CPNE4: variants seen among roughly 807,000 people sequenced by gnomAD.
CPNE4 encodes copine-4.
CPNE4 carries 25 observed loss-of-function variants against 67.9 expected under a neutral mutation model. The ratio of observed to expected loss-of-function variants is 0.37; its 90% CI spans 0.27 to 0.51. CPNE4 has a LOEUF of 0.51. Among genes scored for constraint, CPNE4 ranks in the 20% least tolerant of loss-of-function variants. CPNE4 has a pLI of 0.93. For synonymous variants in CPNE4, 242 were observed against 244.9 expected, an observed-to-expected ratio of 0.99 and a Z score of 0.11; for missense variants, 464 against 690.8, an observed-to-expected ratio of 0.67 and a Z score of 3.68.
At chr3:131,876,433 G>C (rs2087455902) in intron 2 of CPNE4, among the ~76,000 whole-genome samples, 1 of 151,632 alleles carries the variant, frequency 6.6e-6, no homozygotes, top group Non-Finnish European at 1.5e-5. Flanking sequence ...ACGAGGTCAG[G>C]AGATCGAGAC....
At chr3:131,955,438 T>C (rs1303330260) in intron 1 of CPNE4, among the ~76,000 whole-genome samples, 1 of 135,582 alleles carries the variant, frequency 7.4e-6, no homozygotes, top group Admixed American at 7.8e-5. Context: ...TTTTTTTGTA[T>C]GCTTTCTACA....
upstream of CPNE4, among the ~76,000 whole-genome samples, chr3:132,038,482 T>C (rs182576627): frequency 1.8e-3 from 271 of 152,308 alleles, no homozygotes; most frequent in Middle Eastern, 3.4e-3. Context: ...TTAAAAACCA[T>C]AGGCAGAGGG....
At chr3:132,010,524 C>T (rs2073732037) in intron 1 of CPNE4, among the ~76,000 whole-genome samples, 1 of 152,126 alleles carries the variant, frequency 6.6e-6, no homozygotes. Flanking sequence ...TCACAGGGCA[C>T]CTAATTGACA....
rs187814881 is a variant in CPNE4 at position 131,811,411 on chromosome 3, T to C, written c.181-87786A>G. Among the ~76,000 whole-genome samples the C allele has an allele frequency of 2.2e-3, 335 of 152,190 alleles. 15 individuals are homozygous for C. Among genetic ancestry groups the C allele is most frequent in the Admixed American group, 0.022 (333 of 15,282 alleles). ...ATATATATATAAAGATGTTTTCCTA[T>C]CTGGAAATAATGTAAATATGTTGAG... On this transcript the variant is annotated intron_variant, in intron 2 of 15. Transcript: ENST00000429747.
At chr3:131,943,665 C>T (rs897349231) in intron 1 of CPNE4, among the ~76,000 whole-genome samples, 2 of 152,070 alleles carry the variant, frequency 1.3e-5, no homozygotes, top group Non-Finnish European at 2.9e-5. Flanking sequence ...CTCCCAGCCT[C>T]TAGTCCTTCT....
intron 2 of CPNE4, among the ~76,000 whole-genome samples, chr3:131,727,721 T>G (rs948288509): frequency 2.0e-5 from 3 of 152,156 alleles, no homozygotes; most frequent in Non-Finnish European, 4.4e-5. Flanking sequence ...TGCACCCAAA[T>G]TTTTCTCTTA....
chr3:131,615,763 T>A (rs772325398), intron 7 of CPNE4, among the ~76,000 whole-genome samples: 1 of 152,024 alleles, frequency 6.6e-6, no homozygotes, highest in Non-Finnish European at 1.5e-5. Context: ...ATGCCCATAA[T>A]CCCAGCTACT....
intron 1 of CPNE4, among the ~76,000 whole-genome samples, chr3:131,968,903 A>G (rs1200977402): frequency 6.6e-6 from 1 of 152,238 alleles, no homozygotes; most frequent in African/African-American, 2.4e-5. Context: ...AAGAACATGC[A>G]CACATATGTT....
intron 2 of CPNE4, among the ~76,000 whole-genome samples, chr3:131,857,140 T>C (rs2086479167): frequency 6.6e-6 from 1 of 152,066 alleles, no homozygotes; most frequent in African/African-American, 2.4e-5. Context: ...TCTTCTATCC[T>C]TCTCATTCTT....
Position 131,993,472 on chromosome 3 carries a change from C to CAAAAAAAAAAAAAAAAAAAAAAAAA in CPNE4, c.-2+41094_-2+41095insTTTTTTTTTTTTTTTTTTTTTTTTT, listed in dbSNP as rs58116331. Among the ~76,000 whole-genome samples, 8 of 60,458 alleles carry CAAAAAAAAAAAAAAAAAAAAAAAAA rather than the reference C, an allele frequency of 1.3e-4. 2 individuals carry two copies. Among genetic ancestry groups the CAAAAAAAAAAAAAAAAAAAAAAAAA allele is most frequent in the African/African-American group, 4.4e-4 (8 of 18,306 alleles). 39.7% of individuals were successfully genotyped at this position (60,458 alleles called of 152,430 possible). A position where few individuals can be genotyped will look rare whatever the true frequency, so the allele number is the denominator to read the frequency against. ...ACCCTGATTTCGTGTGCAGGAGTGG[C>CAAAAAAAAAAAAAAAAAAAAAAAAA]AAAAAAAAAAAAAAAAAGCATAGCT... is the stretch of plus-strand genomic sequence containing the variant. On this transcript the variant is annotated intron_variant, in intron 1 of 15. Transcript: ENST00000429747.
intron 1 of CPNE4, among the ~76,000 whole-genome samples, chr3:132,024,419 C>A (rs2074072388): frequency 6.6e-6 from 1 of 152,074 alleles, no homozygotes; most frequent in Non-Finnish European, 1.5e-5. Context: ...GTGTAAAGCA[C>A]CCTGTGGATC....
chr3:131,883,039 C>T (rs1168627951), intron 2 of CPNE4, among the ~76,000 whole-genome samples: 2 of 152,024 alleles, frequency 1.3e-5, no homozygotes, highest in Non-Finnish European at 2.9e-5. Context: ...CTTTCAATGG[C>T]AAAAACCACA....
chr3:131,931,412 C>T (rs187565453), intron 1 of CPNE4, among the ~76,000 whole-genome samples: 12 of 152,194 alleles, frequency 7.9e-5, no homozygotes, highest in African/African-American at 2.6e-4. Context: ...GGAATTGTGT[C>T]CATAAGAGAA....
chr3:131,855,210 A>G (rs2086392870), intron 2 of CPNE4, among the ~76,000 whole-genome samples: 1 of 151,950 alleles, frequency 6.6e-6, no homozygotes, highest in African/African-American at 2.4e-5. Flanking sequence ...TTTGGGCCCC[A>G]TGGTACTCAT....
At chr3:131,542,269 A>T (rs1489839149) in intron 15 of CPNE4, among the ~76,000 whole-genome samples, 1 of 152,138 alleles carries the variant, frequency 6.6e-6, no homozygotes, top group Non-Finnish European at 1.5e-5. Context: ...TAGGGCAAGC[A>T]TCAGTGAAAT....
At chr3:131,698,233 C>CAAAAAAAAAAAAAAAAAAAAA (rs369274504) in intron 4 of CPNE4, among the ~76,000 whole-genome samples, 48 of 64,454 alleles carry the variant, frequency 7.4e-4, no homozygotes, top group African/African-American at 1.0e-3. Flanking sequence ...GGCTCTGTCT[C>CAAAAAAAAAAAAAAAAAAAAA]AAAAAAAAAA....
chr3:131,944,129 C>T (rs966880487), intron 1 of CPNE4, among the ~76,000 whole-genome samples: 1 of 152,080 alleles, frequency 6.6e-6, no homozygotes, highest in Admixed American at 6.5e-5. Context: ...GTTAATTGAA[C>T]TAAATCCCAT....
chr3:131,951,792 T>C (rs983285680), intron 1 of CPNE4, among the ~76,000 whole-genome samples: 19 of 152,194 alleles, frequency 1.2e-4, no homozygotes, highest in Non-Finnish European at 2.6e-4. Flanking sequence ...CTCCAGCTCC[T>C]AACCGCGAGT....
chr3:131,743,818 C>T (rs1434170132), intron 2 of CPNE4, among the ~76,000 whole-genome samples: 2 of 151,278 alleles, frequency 1.3e-5, no homozygotes, highest in East Asian at 3.9e-4. Context: ...AAAAAATTAG[C>T]CGGGCGTGGT....
Sources: allele counts gnomAD v4.1 joint callset (sites outside exome capture counted in the v4.1 genomes callset), GRCh38; gene constraint gnomAD v4.1.1; transcripts MANE v1.5; gene names NCBI Gene and HGNC (gene_info 2026-07-23, HGNC 2026-07-21).